CENPP: variants seen among roughly 807,000 people sequenced by gnomAD.
CENPP encodes centromere protein P.
Under a neutral mutation model 35.6 loss-of-function variants are expected in CENPP, and 24 were observed. The ratio of observed to expected loss-of-function variants is 0.67; its 90% CI spans 0.49 to 0.95. The LOEUF (loss-of-function observed/expected upper bound fraction) is 0.95, where lower values mean the gene tolerates loss of function less well. Ranked by LOEUF, CENPP falls within the 40% of genes least tolerant of loss-of-function variation. CENPP has a pLI of 0.00. For missense variants in CENPP, 332 were observed against 345.3 expected, an observed-to-expected ratio of 0.96 and a Z score of 0.31; for synonymous variants, 120 against 125.5, an observed-to-expected ratio of 0.96 and a Z score of 0.29.
At chr9:92,445,199 C>T (rs1844520858) in intron 5 of CENPP, among the ~76,000 whole-genome samples, 1 of 152,182 alleles carries the variant, frequency 6.6e-6, no homozygotes, top group African/African-American at 2.4e-5. Context: ...TGCTGGGCTT[C>T]CAGAGGCCTC....
chr9:92,603,436 TCATA>T (rs1376697417), intron 5 of CENPP, among the ~76,000 whole-genome samples: 1 of 152,212 alleles, frequency 6.6e-6, no homozygotes, highest in Admixed American at 6.5e-5. Context: ...CTGAAGTTTA[TCATA>T]CTTCTCTCAG....
At chr9:92,380,899 G>A (rs1210072671) in intron 5 of CENPP, among the ~76,000 whole-genome samples, 3 of 152,126 alleles carry the variant, frequency 2.0e-5, no homozygotes, top group Admixed American at 6.6e-5. Flanking sequence ...TTGACTCTAC[G>A]TGCTTTCCAG....
chr9:92,358,932 C>T (rs1841663066), intron 4 of CENPP, among the ~76,000 whole-genome samples: 1 of 144,584 alleles, frequency 6.9e-6, no homozygotes, highest in African/African-American at 2.6e-5. Context: ...TCTTTTGTAT[C>T]TCTTTTTTTT....
At position 92,372,099 on chromosome 9, in the gene CENPP, C is replaced by CTTTTT. The variant is rs71362382; in HGVS notation, c.468-7636_468-7632dup. ...AGGTGTAAGCCACCATGCCAGCCAT[C>CTTTTT]TTTTTTTTTTTTTTTTTTTTTTTTT... On this transcript the variant is annotated intron_variant, in intron 4 of 7. Transcript: ENST00000375587. 3.9e-3 allele frequency among the ~76,000 whole-genome samples: 121 copies of CTTTTT among 30,682 alleles called. 6 individuals are homozygous for CTTTTT. Among genetic ancestry groups the CTTTTT allele is most frequent in the South Asian group, 0.012 (5 of 402 alleles). 20.1% of individuals were successfully genotyped at this position (30,682 alleles called of 152,430 possible). A position where few individuals can be genotyped will look rare whatever the true frequency, so the allele number is the denominator to read the frequency against.
Position 92,615,975 on chromosome 9 carries a change from A to G in CENPP, c.*2826A>G. Reference sequence around the variant, plus strand: ...TTATACTGATGGGGAATGCTCTCGTAGGGCTTGAGGTCAAGGTCCAGCACA... The same window carrying G: ...TTATACTGATGGGGAATGCTCTCGTGGGGCTTGAGGTCAAGGTCCAGCACA... On this transcript the variant is annotated 3_prime_UTR_variant, in exon 8 of 8. Coordinates refer to ENST00000375587, the MANE Select transcript of CENPP (RefSeq NM_001012267.3). 1.2e-6 allele frequency: 2 copies of G among 1,614,114 alleles called. No homozygotes were observed. The highest frequency in any genetic ancestry group is 1.7e-6 in the Non-Finnish European group (2 of 1,180,018).
intron 5 of CENPP, among the ~76,000 whole-genome samples, chr9:92,601,128 A>G (rs1456854312): frequency 1.3e-5 from 2 of 152,318 alleles, no homozygotes; most frequent in African/African-American, 4.8e-5. Flanking sequence ...ACAGGAGGCA[A>G]TTCAGCAGCA....
intron 4 of CENPP, among the ~76,000 whole-genome samples, chr9:92,361,826 C>T (rs1281620691): frequency 1.3e-5 from 2 of 152,118 alleles, no homozygotes; most frequent in Non-Finnish European, 2.9e-5. Flanking sequence ...TATATAATTA[C>T]AGTGCAGTGA....
rs559186024 is a variant in CENPP at position 92,456,603 on chromosome 9, T to A, written c.564+76744T>A. The A allele has an allele frequency of 1.4e-4, 21 of 152,466 alleles. No individual in the cohort carries two copies. In the East Asian group the frequency reaches 4.1e-3, roughly 29 times the overall value. 9.4% of individuals were successfully genotyped at this position (152,466 alleles called of 1,614,324 possible). On this transcript the variant is annotated intron_variant, in intron 5 of 7. Transcript: ENST00000375587. ...GAAACACTACACGTTTTTACAGAGATTTTTAAATCAGGTAATAATTAAAAA... is the reference window on the plus strand; with the variant it reads ...GAAACACTACACGTTTTTACAGAGAATTTTAAATCAGGTAATAATTAAAAA...
intron 4 of CENPP, among the ~76,000 whole-genome samples, chr9:92,349,681 C>T (rs973400541): frequency 9.2e-5 from 14 of 152,018 alleles, no homozygotes; most frequent in East Asian, 3.9e-4. Context: ...GGATTACAGG[C>T]GTGAGCCACC....
At chr9:92,529,317 G>A (rs964320989) in intron 5 of CENPP, among the ~76,000 whole-genome samples, 2 of 152,226 alleles carry the variant, frequency 1.3e-5, no homozygotes, top group Non-Finnish European at 2.9e-5. Context: ...CAGTGCTGGT[G>A]AGTGTGTGGA....
At chr9:92,509,778 G>A in intron 5 of CENPP, 1 of 1,099,542 alleles carries the variant, frequency 9.1e-7, no homozygotes. Context: ...AACTCAAATG[G>A]TTAAGTGACC....
chr9:92,592,155 CTT>C (rs776720924), intron 5 of CENPP, among the ~76,000 whole-genome samples: 63 of 152,118 alleles, frequency 4.1e-4, no homozygotes, highest in Middle Eastern at 3.4e-3. Context: ...AATGTATACA[CTT>C]ATACATTTAT....
At chr9:92,372,396 ACTGTTGTTTT>A (rs1442743150) in intron 4 of CENPP, among the ~76,000 whole-genome samples, 1 of 151,744 alleles carries the variant, frequency 6.6e-6, no homozygotes, top group Non-Finnish European at 1.5e-5. Flanking sequence ...TTCCTGTCAT[ACTGTTGTTTT>A]CTGTTGTTTT....
At chr9:92,415,875 C>T (rs1471207191) in intron 5 of CENPP, among the ~76,000 whole-genome samples, 2 of 143,624 alleles carry the variant, frequency 1.4e-5, no homozygotes, top group Non-Finnish European at 3.0e-5. Context: ...TTATATATTT[C>T]TTCTTTTTTT....
intron 5 of CENPP, among the ~76,000 whole-genome samples, chr9:92,461,120 T>C (rs908504686): frequency 2.0e-5 from 3 of 151,556 alleles, no homozygotes; most frequent in Non-Finnish European, 4.4e-5. Context: ...CTTAATTATT[T>C]ATTGATCTGT....
intron 5 of CENPP, among the ~76,000 whole-genome samples, chr9:92,586,384 T>C (rs1380217329): frequency 6.6e-6 from 1 of 152,028 alleles, no homozygotes; most frequent in African/African-American, 2.4e-5. Context: ...CCTGCCTGCC[T>C]GGGGCAAGGG....
intron 5 of CENPP, chr9:92,385,398 G>T: frequency 2.2e-6 from 1 of 449,052 alleles, no homozygotes; most frequent in Non-Finnish European, 3.9e-6. Context: ...ATTTTGTAAT[G>T]CTGTTTAAAT....
At chr9:92,427,017 C>G (rs1323300669) in intron 5 of CENPP, among the ~76,000 whole-genome samples, 1 of 152,062 alleles carries the variant, frequency 6.6e-6, no homozygotes, top group Non-Finnish European at 1.5e-5. Context: ...TCCAGGAGGA[C>G]TGGAGCAAGG....
At chr9:92,372,029 T>G in intron 4 of CENPP, among the ~76,000 whole-genome samples, 1 of 115,566 alleles carries the variant, frequency 8.7e-6, no homozygotes, top group Non-Finnish European at 1.7e-5. Flanking sequence ...GGCAACAGAG[T>G]GAGACTCCAT....
Sources: gnomAD v4.1 joint callset for allele counts (sites outside exome capture counted in the v4.1 genomes callset) on GRCh38, gnomAD v4.1.1 for gene constraint, MANE v1.5 for transcripts, NCBI Gene and HGNC (gene_info 2026-07-23, HGNC 2026-07-21) for gene names.